The following ATM variants were observed in gnomAD, a reference collection of about 807,000 sequenced individuals.
The protein encoded by ATM is serine-protein kinase ATM.
Under a neutral mutation model 387.0 loss-of-function variants are expected in ATM, and 308 were observed. The ratio of observed to expected loss-of-function variants is 0.80; its 90% confidence interval spans 0.73 to 0.87. The LOEUF (loss-of-function observed/expected upper bound fraction) is 0.87, where lower values mean the gene tolerates loss of function less well. Among genes scored for constraint, ATM ranks in the 40% least tolerant of loss-of-function variants. The pLI, the probability that ATM is intolerant of heterozygous loss-of-function variation, is 0.00. For missense variants in ATM, 3,312 were observed against 3,560.9 expected (o/e 0.93, Z 1.78); for synonymous variants, 1,156 against 1,187.3 (o/e 0.97, Z 0.54).
chr11:108,286,641 G>GAGT (rs2082508550), intron 26 of ATM, among the ~76,000 whole-genome samples: 1 of 152,156 alleles, frequency 6.6e-6, no homozygotes, highest in Non-Finnish European at 1.5e-5. Context: ...GTTGCAAAGG[G>GAGT]AGTAGCCTCT....
At position 108,347,255 on chromosome 11, in the gene ATM, ATTGT is replaced by A. The variant is rs764013510; in HGVS notation, c.8585-17_8585-14del. On this transcript the variant is annotated intron_variant, in intron 58 of 62. Transcript: ENST00000675843. The stretch of plus-strand genomic sequence containing the variant: ...AAAGAGATGGAATCAGTGATTTCAG[ATTGT>A]TTGTTTCTTTTTTCTCCAGTTGGTT... The A allele has an allele frequency of 1.1e-5, 17 of 1,509,346 alleles. No individual in the cohort carries two copies. The highest frequency in any genetic ancestry group is 2.3e-5 in the East Asian group (1 of 44,256). 93.5% of individuals were successfully genotyped at this position (1,509,346 alleles called of 1,614,324 possible).
At position 108,272,845 on chromosome 11, in the gene ATM, A is replaced by G. The variant is rs876659667; in HGVS notation, c.3277A>G (p.Ile1093Val). 2 of 1,614,048 alleles carry G rather than the reference A, an allele frequency of 1.2e-6. No homozygotes were observed. The highest frequency in any genetic ancestry group is 1.7e-6 in the Non-Finnish European group (2 of 1,179,992). ...AGTTCGCATGTTGGCTGCAGAGTCA[A>G]TCAATAGGTAATGGGTCAAATATTC... is the stretch of plus-strand genomic sequence containing the variant. Reference protein sequence around the residue: ...HQVRMLAAESINRLFQDTKGD... With the variant: ...HQVRMLAAESVNRLFQDTKGD... The change falls in exon 22 of 63, where the codon ATC becomes GTC. Residue 1093 changes from isoleucine to valine, a missense_variant. Coordinates refer to ENST00000675843, the MANE Select transcript of ATM (RefSeq NM_000051.4).
chr11:108,241,377 TAGTC>T (rs2135189677), intron 5 of ATM, among the ~76,000 whole-genome samples: 1 of 152,364 alleles, frequency 6.6e-6, no homozygotes, highest in African/African-American at 2.4e-5. Context: ...ACCAGTAACT[TAGTC>T]ATTTATTATC....
At chr11:108,282,953 C>G (rs2135693084) in intron 25 of ATM, 74 bp downstream of exon 25, 3 of 977,422 alleles carry the variant, frequency 3.1e-6, no homozygotes, top group Non-Finnish European at 4.6e-6. Flanking sequence ...AGTCCCCTCA[C>G]CAGCAACACA....
At chr11:108,313,719 G>A (rs1397001682) in intron 40 of ATM, among the ~76,000 whole-genome samples, 1 of 152,084 alleles carries the variant, frequency 6.6e-6, no homozygotes, top group Non-Finnish European at 1.5e-5. Flanking sequence ...CTGAGGACTT[G>A]ATTTCACGTT....
chr11:108,331,433 T>A lies in ATM; in HGVS notation c.7516-11T>A. The stretch of plus-strand genomic sequence containing the variant: ...TTGTTTCTTAATTTTGTGTCTTTTT[T>A]TTAATGGTAGAGAGACGGAATGAAG... On this transcript the variant is annotated splice_polypyrimidine_tract_variant and intron_variant, in intron 50 of 62. Coordinates refer to ENST00000675843, the MANE Select transcript of ATM (RefSeq NM_000051.4). The A allele has an allele frequency of 6.2e-7, 1 of 1,611,614 alleles. No homozygotes were observed. The highest frequency in any genetic ancestry group is 8.5e-7 in the Non-Finnish European group (1 of 1,178,938).
At position 108,249,042 on chromosome 11, in the gene ATM, G is replaced by T. The variant is rs779035681; in HGVS notation, c.1175G>T (p.Gly392Val). 2 of 1,613,908 alleles carry T rather than the reference G, an allele frequency of 1.2e-6. No homozygotes were observed. Among genetic ancestry groups the T allele is most frequent in the African/African-American group, 1.3e-5 (1 of 74,894 alleles). The change falls in exon 9 of 63, where the codon GGC becomes GTC. Residue 392 changes from glycine (G) to valine (V), a missense_variant. By Grantham distance (109) the Gly-to-Val change is moderately radical. Transcript: ENST00000675843. ...TGCAAAAGGAAGAAAATAGAACTAGGCTGGGAAGTAATAAAAGATCACCTT... is the reference window on the plus strand; with the variant it reads ...TGCAAAAGGAAGAAAATAGAACTAGTCTGGGAAGTAATAAAAGATCACCTT... ...VPCKRKKIEL[G>V]WEVIKDHLQK...
intron 44 of ATM, among the ~76,000 whole-genome samples, chr11:108,320,276 GT>G: frequency 6.6e-6 from 1 of 152,270 alleles, no homozygotes; most frequent in South Asian, 2.1e-4. Flanking sequence ...CTTCAAGAAA[GT>G]TTTGGTGATT....
rs1357021067 is a variant in ATM, at chr11:108,299,841, C to T, written c.5133C>T (p.Thr1711=). 5.6e-6 allele frequency: 9 copies of T among 1,613,834 alleles called. No individual in the cohort carries two copies. The highest frequency in any genetic ancestry group is 7.6e-6 in the Non-Finnish European group (9 of 1,179,876). ...TTGAAGATAAAGAACTTCAGTGGAC[C>T]TTCATAATGCTGACCTACCTGAATA... The part of the protein sequence containing the change: ...KLFEDKELQW[T]FIMLTYLNNT... The change falls in exon 34 of 63, where the codon ACC becomes ACT. Residue 1711 remains threonine, a synonymous_variant. Coordinates refer to ENST00000675843, the MANE Select transcript of ATM (RefSeq NM_000051.4).
In ATM at chr11:108,367,429, T is replaced by C. The variant is rs932988979; in HGVS notation, c.*1921T>C. On this transcript the variant is annotated 3_prime_UTR_variant, in exon 63 of 63. Transcript: ENST00000675843. ...GGGCTTAGGTATCTAGTTTGATACATAGGTAGAAGTGGAACATTTCTCTGT... is the reference window on the plus strand; with the variant it reads ...GGGCTTAGGTATCTAGTTTGATACACAGGTAGAAGTGGAACATTTCTCTGT... 1 of 199,916 alleles carries C rather than the reference T, an allele frequency of 5.0e-6. No individual in the cohort carries two copies. Among genetic ancestry groups the C allele is most frequent in the Non-Finnish European group, 1.0e-5 (1 of 96,912 alleles). 12.4% of individuals were successfully genotyped at this position (199,916 alleles called of 1,614,324 possible).
Position 108,272,824 on chromosome 11 carries a change from C to T in ATM, c.3256C>T (p.Arg1086Cys), listed in dbSNP as rs201780199. 8.7e-6 allele frequency: 14 copies of T among 1,613,974 alleles called. No individual in the cohort carries two copies. The highest frequency in any genetic ancestry group is 4.0e-5 in the African/African-American group (3 of 74,986). ...TCTTGCTGACAATCATCACCAAGTT[C>T]GCATGTTGGCTGCAGAGTCAATCAA... is the stretch of plus-strand genomic sequence containing the variant. ...QFLADNHHQV[R>C]MLAAESINRL... is the part of the protein sequence containing the mutation. Residue 1086 changes from arginine to cysteine, a missense_variant, in exon 22 of 63, where the codon CGC becomes TGC. Arg to Cys is a radical substitution (Grantham distance 180). Coordinates refer to ENST00000675843, the MANE Select transcript of ATM (RefSeq NM_000051.4).
At chr11:108,260,667 C>A (rs936779859) in intron 16 of ATM, among the ~76,000 whole-genome samples, 2 of 152,162 alleles carry the variant, frequency 1.3e-5, no homozygotes, top group Admixed American at 1.3e-4. Context: ...CAGCTCCGGT[C>A]TACAGCTCCC....
At chr11:108,268,715 T>G (rs2081406989) in intron 18 of ATM, 106 bp downstream of exon 18, 3 of 1,283,904 alleles carry the variant, frequency 2.3e-6, no homozygotes, top group Non-Finnish European at 3.3e-6. Context: ...AGAATTGAAA[T>G]TGCTTTCTTG....
rs1336151945 is a variant in ATM, at chr11:108,279,375, G to A, written c.3285-116G>A. ...TTAGTCTTTAAGAAAGAGCTAGTATGTTATTATGTCTCACAGAGTGATTTA... is the reference window on the plus strand; with the variant it reads ...TTAGTCTTTAAGAAAGAGCTAGTATATTATTATGTCTCACAGAGTGATTTA... On this transcript the variant is annotated intron_variant, in intron 22 of 62. Transcript: ENST00000675843. 3.9e-6 allele frequency: 3 copies of A among 772,518 alleles called. No homozygotes were observed. The African/African-American group carries it at 5.2e-5, about 13-fold the overall frequency. The allele number at this position is 772,518 out of a possible 1,614,324, so 47.9% of individuals were successfully genotyped here. A position where few individuals can be genotyped will look rare whatever the true frequency, so the allele number is the denominator to read the frequency against.
At chr11:108,355,274 T>G (rs967233519) in intron 61 of ATM, 46 of 233,396 alleles carry the variant, frequency 2.0e-4, no homozygotes, top group East Asian at 1.2e-3. Flanking sequence ...GAGATCAAAT[T>G]GTCAGCATCA....
intron 57 of ATM, 51 bp downstream of exon 57, chr11:108,343,422 T>A (rs2136958781): frequency 6.2e-7 from 1 of 1,603,064 alleles, no homozygotes; most frequent in Non-Finnish European, 8.5e-7. Context: ...TAATGGCTTA[T>A]TAAAGCTGAC....
intron 6 of ATM, 28 bp from the exon 7 acceptor site, chr11:108,244,760 C>A: frequency 6.5e-7 from 1 of 1,543,506 alleles, no homozygotes; most frequent in Non-Finnish European, 9.0e-7. Flanking sequence ...CCTGTTATAC[C>A]CAGTTGAGCT....
At chr11:108,322,997 C>T (rs4988098) in intron 45 of ATM, among the ~76,000 whole-genome samples, 3,053 of 151,934 alleles carry the variant, frequency 0.02, 59 homozygotes, top group Non-Finnish European at 0.026. Context: ...GATTTGTATT[C>T]GATGGTCTCT....
intron 33 of ATM, 152 bp downstream of exon 33, chr11:108,297,534 G>A: frequency 1.4e-6 from 1 of 701,462 alleles, no homozygotes; most frequent in East Asian, 2.7e-5. Flanking sequence ...TAGGTGTGTA[G>A]TAGGCTATAC....
Sources: allele counts gnomAD v4.1 joint callset (sites outside exome capture counted in the v4.1 genomes callset), GRCh38; gene constraint gnomAD v4.1.1; transcripts MANE v1.5; gene names NCBI Gene and HGNC (gene_info 2026-07-23, HGNC 2026-07-21).